Variants in FAT1 observed in about 807,000 individuals in gnomAD.
FAT1 encodes FAT atypical cadherin 1, also known as protocadherin Fat 1.
Under a neutral mutation model 329.8 loss-of-function variants are expected in FAT1, and 171 were observed. That is an observed-to-expected ratio of 0.52 (90% CI 0.46 to 0.59). FAT1 has a LOEUF of 0.59. FAT1 is among the 20% of genes least tolerant of loss of function. FAT1 has a pLI of 0.00. For missense variants in FAT1, 5,672 were observed against 5,774.4 expected, an observed-to-expected ratio of 0.98 and a Z score of 0.57; for synonymous variants, 2,233 against 2,228.6, an observed-to-expected ratio of 1.00 and a Z score of -0.06.
chr4:186,607,527 G>C (rs941322656), intron 16 of FAT1, among the ~76,000 whole-genome samples: 1 of 151,862 alleles, frequency 6.6e-6, no homozygotes, highest in South Asian at 2.1e-4. Flanking sequence ...AGATGGACAG[G>C]TGGGTAGGTG....
At chr4:186,628,822 TAAAG>T in intron 7 of FAT1, 59 bp from the exon 8 acceptor site, 3 of 1,509,436 alleles carry the variant, frequency 2.0e-6, no homozygotes, top group Non-Finnish European at 2.7e-6. Context: ...TTTTAATACT[TAAAG>T]AACCATGAAC....
Position 186,628,349 on chromosome 4 carries a change from C to G in FAT1, c.4615G>C (p.Val1539Leu). 1.9e-6 allele frequency: 3 copies of G among 1,612,798 alleles called. No individual in the cohort carries two copies. The highest frequency in any genetic ancestry group is 2.5e-6 in the Non-Finnish European group (3 of 1,179,232). The change falls in exon 9 of 27, where the codon GTG becomes CTG. Residue 1539 changes from valine to leucine, a missense_variant. This residue lies in a region of FAT1 where 3,966 missense variants were observed against 3,915.2 expected (regional missense o/e 1.01). Coordinates refer to ENST00000441802, the MANE Select transcript of FAT1 (RefSeq NM_005245.4). ...CTTGCAAAGTTGCGTTTTACAGGCA[C>G]ATCTTGATCTCGTACCTAAAAAGAA... ...TLTVMVRDQD[V>L]PVKRNFARIV... is the part of the protein sequence containing the mutation.
At chr4:186,686,030 T>A (rs569089295) in intron 2 of FAT1, among the ~76,000 whole-genome samples, 1 of 152,314 alleles carries the variant, frequency 6.6e-6, no homozygotes, top group Admixed American at 6.5e-5. Context: ...CAAATATCTA[T>A]GGGCAGTCAG....
rs944018015 is a variant in FAT1, at chr4:186,707,342, A to G, written c.2486T>C (p.Val829Ala). The G allele has an allele frequency of 5.0e-6, 8 of 1,613,956 alleles. No individual in the cohort carries two copies. The highest frequency in any genetic ancestry group is 1.3e-5 in the African/African-American group (1 of 75,036). Residue 829 changes from valine (V) to alanine (A), a missense_variant, in exon 2 of 27, where the codon GTG (valine) becomes GCG (alanine). Val to Ala is a moderately conservative substitution (Grantham distance 64). Transcript: ENST00000441802. ...PPEFLQESYF[V>A]EVSEDKEVHS... ...TACCTCCTTGTCTTCACTCACTTCC[A>G]CAAAATAGCTCTCCTGTAAAAACTC...
intron 2 of FAT1, among the ~76,000 whole-genome samples, chr4:186,698,721 T>C (rs1744152480): frequency 6.6e-6 from 1 of 152,066 alleles, no homozygotes; most frequent in Non-Finnish European, 1.5e-5. Flanking sequence ...TGATGTTAAA[T>C]GGGAGAGCAG....
chr4:186,724,697 C>T (rs768356461), upstream of FAT1, among the ~76,000 whole-genome samples: 52 of 152,298 alleles, frequency 3.4e-4, no homozygotes, highest in Non-Finnish European at 6.3e-4. This position sits in a 1 kb window ranked among gnomAD's most constrained non-coding sequence, Gnocchi z 5.3. Context: ...AGCCCATCCC[C>T]GGTGCGGGCA....
chr4:186,642,906 T>C (rs1741168573), intron 3 of FAT1, among the ~76,000 whole-genome samples: 1 of 152,108 alleles, frequency 6.6e-6, no homozygotes, highest in Non-Finnish European at 1.5e-5. Flanking sequence ...AGGCAGACGA[T>C]TTTAAGGAGG....
intron 9 of FAT1, among the ~76,000 whole-genome samples, chr4:186,625,779 A>T (rs1276039598): frequency 6.6e-6 from 1 of 152,258 alleles, no homozygotes; most frequent in East Asian, 1.9e-4. Flanking sequence ...AAGCAACGTG[A>T]CTTCTGATTG....
chr4:186,666,292 T>C (rs1039954874), intron 2 of FAT1, among the ~76,000 whole-genome samples: 10 of 152,126 alleles, frequency 6.6e-5, no homozygotes, highest in Non-Finnish European at 1.5e-5. Flanking sequence ...CAAACATGCT[T>C]CCCTGTTCTC....
chr4:186,600,037 A>G lies in FAT1; in HGVS notation c.11964T>C (p.Pro3988=), dbSNP rs2126410929. ...DSIYLNGQEL[P]LNSKPRSYAH... is the part of the protein sequence containing the mutation. ...CATAGCTTCTGGGTTTGCTGTTTAA[A>G]GGGAGCTCCTGCCCATTCAAATAAA... Residue 3988 remains proline, a synonymous_variant, in exon 22 of 27, where the codon CCT becomes CCC. Transcript: ENST00000441802. 1 of 1,614,026 alleles carries G rather than the reference A, an allele frequency of 6.2e-7. No individual in the cohort carries two copies. The highest frequency in any genetic ancestry group is 1.3e-5 in the African/African-American group (1 of 75,062).
Position 186,605,924 on chromosome 4 carries a change from T to A in FAT1, c.10350+146A>T, listed in dbSNP as rs1579307228. The A allele has an allele frequency of 7.0e-6, 5 of 717,498 alleles. 1 individual carries two copies. In the Middle Eastern group the frequency reaches 1.7e-3, roughly 240 times the overall value. 44.4% of individuals were successfully genotyped at this position (717,498 alleles called of 1,614,324 possible). On this transcript the variant is annotated intron_variant, in intron 17 of 26. Transcript: ENST00000441802. ...CTTGGCTTTATCTTTAAAATGCTCATCTTTTAATACTGATAGCGACTTCTT... is the reference window on the plus strand; with the variant it reads ...CTTGGCTTTATCTTTAAAATGCTCAACTTTTAATACTGATAGCGACTTCTT...
intron 1 of FAT1, among the ~76,000 whole-genome samples, chr4:186,719,032 T>C (rs958879782): frequency 1.3e-5 from 2 of 152,214 alleles, no homozygotes; most frequent in African/African-American, 4.8e-5. Context: ...TCCACAGGTA[T>C]GAAAAATGAA....
At position 186,603,518 on chromosome 4, in the gene FAT1, T is replaced by A. The variant is rs992725801; in HGVS notation, c.11008A>T (p.Ile3670Phe). The stretch of plus-strand genomic sequence containing the variant: ...ATGTCGTTCCTCCTCACACCCAGGA[T>A]GTTCCGTAAAGCTCGCTGGAAGTTG... Reference protein sequence around the residue: ...WRNFQRALRNILGVRRNDIQI... With the variant: ...WRNFQRALRNFLGVRRNDIQI... Residue 3670 changes from isoleucine to phenylalanine, a missense_variant, in exon 19 of 27, where the codon ATC becomes TTC. Ile to Phe is a conservative substitution (Grantham distance 21, BLOSUM62 0). Transcript: ENST00000441802. 1 of 1,613,850 alleles carries A rather than the reference T, an allele frequency of 6.2e-7. No individual in the cohort carries two copies. Among genetic ancestry groups the A allele is most frequent in the Non-Finnish European group, 8.5e-7 (1 of 1,179,888 alleles).
chr4:186,650,931 G>A (rs1479406339), intron 3 of FAT1, among the ~76,000 whole-genome samples: 2 of 151,700 alleles, frequency 1.3e-5, no homozygotes, highest in Non-Finnish European at 2.9e-5. Flanking sequence ...AAACAGAGAG[G>A]GCAACACCAC....
rs1740696767 is a variant in FAT1, at chr4:186,633,730, T to C, written c.4277A>G (p.Asn1426Ser). ...TCCATCTGTAGCCTCGACTGTGAGG[T>C]TGTAGTTTGACTTCTGTTCTGCATC... The part of the protein sequence containing the change: ...PLDAEQKSNY[N>S]LTVEATDGTT... Residue 1426 changes from asparagine to serine, a missense_variant, in exon 7 of 27, where the codon AAC becomes AGC. Asn to Ser is a conservative substitution (Grantham distance 46, BLOSUM62 1). Transcript: ENST00000441802. 3 of 1,613,826 alleles carry C rather than the reference T, an allele frequency of 1.9e-6. No individual in the cohort carries two copies. The highest frequency in any genetic ancestry group is 1.1e-5 in the South Asian group (1 of 91,084).
chr4:186,596,512 T>C lies in FAT1; in HGVS notation c.13000+28A>G, dbSNP rs772538750. 2 of 1,595,554 alleles carry C rather than the reference T, an allele frequency of 1.3e-6. No individual in the cohort carries two copies. The highest frequency in any genetic ancestry group is 3.5e-5 in the Admixed American group (2 of 56,814). On this transcript the variant is annotated intron_variant, in intron 25 of 26. Transcript: ENST00000441802. This position sits in a 1 kb window ranked among gnomAD's most constrained non-coding sequence, Gnocchi z 4.7. ...CCTCACTGTTTATCTCAAGTGACAC[T>C]TTAGTGAGATGAAAAAGTGGCTCTT...
At chr4:186,600,923 G>A (rs190414734) in intron 21 of FAT1, among the ~76,000 whole-genome samples, 1 of 152,272 alleles carries the variant, frequency 6.6e-6, no homozygotes, top group African/African-American at 2.4e-5. Flanking sequence ...TGCTGGCCAG[G>A]CTGGTCTCAA....
At chr4:186,701,636 C>T (rs891925386) in intron 2 of FAT1, among the ~76,000 whole-genome samples, 2 of 152,196 alleles carry the variant, frequency 1.3e-5, no homozygotes, top group African/African-American at 4.8e-5. Flanking sequence ...AGCTCTCAGC[C>T]ACTTGCAGAC....
At chr4:186,662,960 T>C (rs887118197) in intron 3 of FAT1, among the ~76,000 whole-genome samples, 1 of 151,904 alleles carries the variant, frequency 6.6e-6, no homozygotes, top group Non-Finnish European at 1.5e-5. Flanking sequence ...CCTCAGCCTC[T>C]GGAGTAGCTG....
Sources: allele counts gnomAD v4.1 joint callset (sites outside exome capture counted in the v4.1 genomes callset), GRCh38; gene constraint gnomAD v4.1.1; regional missense constraint gnomAD v4.1.1; non-coding constraint Gnocchi (gnomAD v3.1); transcripts MANE v1.5; gene names NCBI Gene and HGNC (gene_info 2026-07-23, HGNC 2026-07-21).